CETN3: variants seen among roughly 807,000 people sequenced by gnomAD.
CETN3 encodes centrin-3.
A neutral mutation model predicts 20.1 loss-of-function variants in CETN3; 17 were observed. The ratio of observed to expected loss-of-function variants is 0.85; its 90% CI spans 0.58 to 1.27. The LOEUF (loss-of-function observed/expected upper bound fraction) is 1.27. Among genes scored for constraint, CETN3 ranks in the 50% most tolerant of loss-of-function variants. The pLI is 0.00. For synonymous variants in CETN3, 52 were observed against 59.7 expected (o/e 0.87, Z 0.59); for missense variants, 169 against 191.2 (o/e 0.88, Z 0.69).
At chr5:90,394,358 G>T (rs1390466466) in intron 4 of CETN3, among the ~76,000 whole-genome samples, 1 of 151,902 alleles carries the variant, frequency 6.6e-6, no homozygotes, top group Non-Finnish European at 1.5e-5. Flanking sequence ...ATTAACTGGG[G>T]AAAAGATAAT....
chr5:90,405,881 A>C, intron 2 of CETN3, 82 bp from the exon 3 acceptor site: 1 of 799,656 alleles, frequency 1.3e-6, no homozygotes, highest in Non-Finnish European at 2.1e-6. Flanking sequence ...ACATCTTAAG[A>C]GATGACAACA....
In CETN3 at chr5:90,409,713, C is replaced by A; in HGVS notation, c.-52G>T. The A allele has an allele frequency of 6.2e-7, 1 of 1,612,450 alleles. No individual in the cohort carries two copies. Among genetic ancestry groups the A allele is most frequent in the Non-Finnish European group, 8.5e-7 (1 of 1,178,666 alleles). ...TCAAGAACGATTTTAACCCCCTACC[C>A]AAGGCAGCAAGACGCCCACAGCCGT... On this transcript the variant is annotated 5_prime_UTR_variant, in exon 1 of 5. Coordinates refer to ENST00000283122, the MANE Select transcript of CETN3 (RefSeq NM_004365.4).
chr5:90,397,935 T>C (rs567364687), intron 4 of CETN3, among the ~76,000 whole-genome samples: 24 of 152,274 alleles, frequency 1.6e-4, no homozygotes, highest in African/African-American at 4.3e-4. Flanking sequence ...TCCAATATAG[T>C]AGCTGCTAAA....
At chr5:90,409,599 C>G (rs759994723) in intron 1 of CETN3, 46 bp downstream of exon 1, 433 of 1,611,992 alleles carry the variant, frequency 2.7e-4, no homozygotes, top group Non-Finnish European at 3.5e-4. Flanking sequence ...CCTCCCTGGG[C>G]CCCGCTCCGG....
At chr5:90,396,343 T>G in intron 4 of CETN3, 1 of 1,338,490 alleles carries the variant, frequency 7.5e-7, no homozygotes. Context: ...CAAACTACTT[T>G]CAAGAATCTT....
chr5:90,405,573 C>A (rs910829813), intron 3 of CETN3, 112 bp downstream of exon 3: 3 of 702,966 alleles, frequency 4.3e-6, no homozygotes. Context: ...ACATTATACA[C>A]CAGTGTTCTA....
chr5:90,409,287 C>T (rs1430091258), intron 1 of CETN3, among the ~76,000 whole-genome samples: 1 of 152,176 alleles, frequency 6.6e-6, no homozygotes, highest in Non-Finnish European at 1.5e-5. Flanking sequence ...AGGTGGGGCC[C>T]TGACCAGGCA....
In CETN3 at chr5:90,408,038, G is replaced by C. The variant is rs1245409988; in HGVS notation, c.18-204C>G. Among the ~76,000 whole-genome samples the C allele has an allele frequency of 2.0e-5, 3 of 152,072 alleles. No individual in the cohort carries two copies. The East Asian group carries it at 5.8e-4, about 29-fold the overall frequency. ...CTTCGCAAAACTAAAGAGTGTTACAGATTATTAAAAGAAATGAGGACCAAA... is the reference window on the plus strand; with the variant it reads ...CTTCGCAAAACTAAAGAGTGTTACACATTATTAAAAGAAATGAGGACCAAA... On this transcript the variant is annotated intron_variant, in intron 1 of 4. Transcript: ENST00000283122.
chr5:90,408,104 T>G (rs142607105), intron 1 of CETN3, among the ~76,000 whole-genome samples: 1 of 152,166 alleles, frequency 6.6e-6, no homozygotes, highest in Non-Finnish European at 1.5e-5. Flanking sequence ...CCACTAATGT[T>G]ACTGTGGAAG....
At position 90,392,690 on chromosome 5, in the gene CETN3, A is replaced by AC. The variant is rs1229794841; in HGVS notation, c.*1373dup. 2 of 152,256 alleles carry AC rather than the reference A, an allele frequency of 1.3e-5. No homozygotes were observed. The highest frequency in any genetic ancestry group is 4.8e-5 in the African/African-American group (2 of 41,464). The allele number at this position is 152,256 out of a possible 1,614,324, so 9.4% of individuals were successfully genotyped here. A position where few individuals can be genotyped will look rare whatever the true frequency, so the allele number is the denominator to read the frequency against. Reference sequence around the variant, plus strand: ...CTGAGGCCTCCCCAAAAGCAGAAGCACCATGCTTCCTGTAAAGCCTGCAGA... The same window carrying AC: ...CTGAGGCCTCCCCAAAAGCAGAAGCACCCATGCTTCCTGTAAAGCCTGCAGA... On this transcript the variant is annotated 3_prime_UTR_variant, in exon 5 of 5. Transcript: ENST00000283122.
chr5:90,408,965 C>G (rs958698603), intron 1 of CETN3, among the ~76,000 whole-genome samples: 1 of 152,100 alleles, frequency 6.6e-6, no homozygotes, highest in Non-Finnish European at 1.5e-5. Flanking sequence ...CCGACCCACC[C>G]CTGACCCCAT....
intron 3 of CETN3, among the ~76,000 whole-genome samples, chr5:90,402,731 C>T (rs983672519): frequency 2.0e-5 from 3 of 152,178 alleles, no homozygotes; most frequent in Admixed American, 6.5e-5. Flanking sequence ...TGGTGGTGTA[C>T]AAGCAGCAGC....
intron 4 of CETN3, among the ~76,000 whole-genome samples, chr5:90,394,813 C>T (rs1245484625): frequency 6.6e-6 from 1 of 151,750 alleles, no homozygotes; most frequent in Non-Finnish European, 1.5e-5. Context: ...GTAAGAATCT[C>T]CAATTTATAA....
Position 90,393,993 on chromosome 5 carries a change from A to G in CETN3, c.*71T>C. The G allele has an allele frequency of 9.1e-7, 1 of 1,102,112 alleles. No individual in the cohort carries two copies. Among genetic ancestry groups the G allele is most frequent in the Non-Finnish European group, 1.3e-6 (1 of 743,316 alleles). 68.3% of individuals were successfully genotyped at this position (1,102,112 alleles called of 1,614,324 possible). A position where few individuals can be genotyped will look rare whatever the true frequency, so the allele number is the denominator to read the frequency against. On this transcript the variant is annotated 3_prime_UTR_variant, in exon 5 of 5. Transcript: ENST00000283122. ...AAAGAACTAAGTTGGTTTTTTTCAC[A>G]TGGCTCCAGGCACAAAAATAGAATA...
chr5:90,397,030 T>C (rs1749151746), intron 4 of CETN3, among the ~76,000 whole-genome samples: 1 of 152,090 alleles, frequency 6.6e-6, no homozygotes, highest in Non-Finnish European at 1.5e-5. Flanking sequence ...AGAGGATATG[T>C]GAAAGTTATA....
intron 3 of CETN3, among the ~76,000 whole-genome samples, chr5:90,400,792 T>A (rs943988111): frequency 6.6e-6 from 1 of 152,148 alleles, no homozygotes; most frequent in Non-Finnish European, 1.5e-5. Context: ...TCCATTAATT[T>A]TATCCAAAAA....
At chr5:90,409,544 C>A in intron 1 of CETN3, 101 bp downstream of exon 1, 1 of 1,415,012 alleles carries the variant, frequency 7.1e-7, no homozygotes. Flanking sequence ...CAAACTACAT[C>A]CCCTGCCTCG....
At chr5:90,404,082 T>C (rs1749374054) in intron 3 of CETN3, among the ~76,000 whole-genome samples, 1 of 152,132 alleles carries the variant, frequency 6.6e-6, no homozygotes, top group South Asian at 2.1e-4. Flanking sequence ...AAGACAATTT[T>C]TTAAAGTAAT....
At chr5:90,407,014 C>CAAAAATT (rs1339163281) in intron 2 of CETN3, among the ~76,000 whole-genome samples, 1 of 151,938 alleles carries the variant, frequency 6.6e-6, no homozygotes, top group East Asian at 1.9e-4. Context: ...TACGAAATTA[C>CAAAAATT]AAAAATTAAA....
Sources: allele counts gnomAD v4.1 joint callset (sites outside exome capture counted in the v4.1 genomes callset), GRCh38; gene constraint gnomAD v4.1.1; transcripts MANE v1.5; gene names NCBI Gene and HGNC (gene_info 2026-07-23, HGNC 2026-07-21).